Variants in KAZN observed in about 807,000 individuals in gnomAD.
KAZN encodes the protein kazrin.
Under a neutral mutation model 87.4 loss-of-function variants are expected in KAZN, and 40 were observed. That is an observed-to-expected ratio of 0.46 (90% CI 0.36 to 0.60). The LOEUF (loss-of-function observed/expected upper bound fraction) is 0.60. Among genes scored for constraint, KAZN ranks in the 20% least tolerant of loss-of-function variants. KAZN has a pLI of 0.00. For missense variants in KAZN, 898 were observed against 1,073.9 expected, an observed-to-expected ratio of 0.84 and a Z score of 2.29; for synonymous variants, 466 against 458.3, an observed-to-expected ratio of 1.02 and a Z score of -0.22.
chr1:14,597,998 T>C (rs543266788), upstream of KAZN, among the ~76,000 whole-genome samples: 7 of 152,292 alleles, frequency 4.6e-5, no homozygotes, highest in Admixed American at 1.3e-4. Flanking sequence ...GCCTTCCTTC[T>C]TATCTCTCAA....
chr1:14,994,105 C>T (rs1048754561), intron 2 of KAZN, among the ~76,000 whole-genome samples: 1 of 152,228 alleles, frequency 6.6e-6, no homozygotes, highest in Non-Finnish European at 1.5e-5. Flanking sequence ...AAGCAGGTCC[C>T]CTCTGCAAGC....
intron 2 of KAZN, among the ~76,000 whole-genome samples, chr1:14,443,675 C>G (rs933008767): frequency 1.3e-5 from 2 of 152,154 alleles, no homozygotes; most frequent in African/African-American, 4.8e-5. Flanking sequence ...AGAAGCTAAT[C>G]CCCAGTGACT....
At chr1:14,801,941 T>C (rs1005432825) in intron 1 of KAZN, among the ~76,000 whole-genome samples, 15 of 151,990 alleles carry the variant, frequency 9.9e-5, no homozygotes, top group African/African-American at 3.6e-4. Flanking sequence ...GCCTTGGCCT[T>C]CCAAAGTGCT....
At chr1:14,278,926 C>CTTTTTTTT (rs77998358) in intron 2 of KAZN, among the ~76,000 whole-genome samples, 12 of 97,766 alleles carry the variant, frequency 1.2e-4, no homozygotes, top group Admixed American at 4.0e-4. Context: ...TCAAATTCAG[C>CTTTTTTTT]TTTTTTTTTT....
chr1:14,457,015 G>A (rs1055236952), intron 2 of KAZN, among the ~76,000 whole-genome samples: 2 of 152,206 alleles, frequency 1.3e-5, no homozygotes, highest in Non-Finnish European at 2.9e-5. Flanking sequence ...GGGAGGCGGA[G>A]GTTGCGGTGA....
intron 1 of KAZN, among the ~76,000 whole-genome samples, chr1:14,644,789 G>A (rs912529586): frequency 1.3e-5 from 2 of 152,142 alleles, no homozygotes; most frequent in Admixed American, 1.3e-4. Flanking sequence ...TTCTTTTGCT[G>A]TGCAGAAGCT....
chr1:14,026,197 A>C (rs1219835300), intron 1 of KAZN, among the ~76,000 whole-genome samples: 1 of 152,138 alleles, frequency 6.6e-6, no homozygotes, highest in Non-Finnish European at 1.5e-5. Context: ...ATATTATTTC[A>C]TTTAATCCTC....
upstream of KAZN, among the ~76,000 whole-genome samples, chr1:14,596,293 C>CGT (rs1557823801): frequency 7.5e-6 from 1 of 132,732 alleles, no homozygotes; most frequent in African/African-American, 3.0e-5. Context: ...GGTGTGAGTG[C>CGT]ACGCACACGT....
chr1:13,979,710 C>G (rs1049930626), intron 1 of KAZN, among the ~76,000 whole-genome samples: 1 of 152,100 alleles, frequency 6.6e-6, no homozygotes, highest in African/African-American at 2.4e-5. Context: ...GGGCGGATCA[C>G]AAGGTCAGGA....
rs779618041 is a variant in KAZN at position 14,831,923 on chromosome 1, A to C, written c.227-128761A>C. Among the ~76,000 whole-genome samples the C allele has an allele frequency of 3.7e-4, 57 of 152,142 alleles. 1 individual carries two copies. Among genetic ancestry groups the C allele is most frequent in the Non-Finnish European group, 6.6e-4 (45 of 68,026 alleles). ...AAAAACAAGGGAATTGGCTGGGCTTAGTGGCTCACACCTGTACTCGCAGCA... is the reference window on the plus strand; with the variant it reads ...AAAAACAAGGGAATTGGCTGGGCTTCGTGGCTCACACCTGTACTCGCAGCA... On this transcript the variant is annotated intron_variant, in intron 1 of 14. Coordinates refer to ENST00000376030, the MANE Select transcript of KAZN (RefSeq NM_201628.3).
intron 1 of KAZN, among the ~76,000 whole-genome samples, chr1:14,760,154 A>C (rs761328180): frequency 5.9e-5 from 9 of 152,038 alleles, no homozygotes; most frequent in Non-Finnish European, 8.8e-5. Flanking sequence ...GAAACCAACC[A>C]ATGCTCGCCT....
intron 1 of KAZN, among the ~76,000 whole-genome samples, chr1:14,890,144 C>T (rs981176101): frequency 9.9e-5 from 15 of 152,220 alleles, no homozygotes; most frequent in Admixed American, 5.2e-4. Flanking sequence ...GCTGAACAGT[C>T]GCCTTTCCCT....
At chr1:14,045,932 G>C (rs1642050636) in intron 1 of KAZN, among the ~76,000 whole-genome samples, 1 of 152,144 alleles carries the variant, frequency 6.6e-6, no homozygotes, top group East Asian at 1.9e-4. Context: ...AAATAAGTGT[G>C]ATATATAACT....
chr1:14,154,619 C>G (rs1645548043), intron 1 of KAZN, among the ~76,000 whole-genome samples: 1 of 152,158 alleles, frequency 6.6e-6, no homozygotes. Context: ...AAGTGTGATA[C>G]TAGCTGTGAG....
chr1:15,095,925 C>G (rs937136303), intron 10 of KAZN, among the ~76,000 whole-genome samples: 2 of 152,062 alleles, frequency 1.3e-5, no homozygotes, highest in African/African-American at 4.8e-5. Context: ...ACTTAGGGAG[C>G]GACTCAGAGC....
intron 2 of KAZN, among the ~76,000 whole-genome samples, chr1:14,419,101 G>A (rs1413670211): frequency 6.6e-6 from 1 of 152,172 alleles, no homozygotes; most frequent in East Asian, 1.9e-4. Flanking sequence ...AATAGAAAAA[G>A]TTTATCTCTT....
At chr1:14,813,996 G>C (rs1464677531) in intron 1 of KAZN, among the ~76,000 whole-genome samples, 2 of 152,288 alleles carry the variant, frequency 1.3e-5, no homozygotes, top group Non-Finnish European at 2.9e-5. Context: ...GGAACTGGGG[G>C]CCAGGGTATC....
intron 1 of KAZN, among the ~76,000 whole-genome samples, chr1:14,736,465 A>ATTTTTT (rs756285598): frequency 9.3e-6 from 1 of 108,042 alleles, no homozygotes; most frequent in Non-Finnish European, 1.8e-5. Flanking sequence ...CACCCAGCTA[A>ATTTTTT]TTTTTTTTTT....
At chr1:13,950,555 G>A (rs1276855441) in intron 1 of KAZN, among the ~76,000 whole-genome samples, 1 of 152,210 alleles carries the variant, frequency 6.6e-6, no homozygotes, top group Admixed American at 6.5e-5. Flanking sequence ...TCAGGAAACA[G>A]CATCTGGCAG....
Sources: allele counts gnomAD v4.1 joint callset (sites outside exome capture counted in the v4.1 genomes callset), GRCh38; gene constraint gnomAD v4.1.1; transcripts MANE v1.5; gene names NCBI Gene and HGNC (gene_info 2026-07-23, HGNC 2026-07-21).